Variants in SLC39A11 observed in about 807,000 individuals in gnomAD.
SLC39A11 encodes solute carrier family 39 member 11.
In SLC39A11, 33 loss-of-function variants were observed where a neutral mutation model predicts 36.1. That is an observed-to-expected ratio of 0.91 (90% CI 0.69 to 1.22). The LOEUF (loss-of-function observed/expected upper bound fraction) is 1.22. Ranked by LOEUF, SLC39A11 falls within the 50% of genes most tolerant of loss-of-function variation. The probability of loss-of-function intolerance (pLI) is 0.00; values close to 1 mark genes in which losing one functional copy is unlikely to be tolerated. For missense variants in SLC39A11, 432 were observed against 430.3 expected (o/e 1.00, Z -0.03); for synonymous variants, 166 against 170.3 (o/e 0.97, Z 0.20).
At chr17:72,870,254 GGTCTTGGGAAT>G (rs2080538677) in intron 5 of SLC39A11, among the ~76,000 whole-genome samples, 1 of 152,062 alleles carries the variant, frequency 6.6e-6, no homozygotes, top group African/African-American at 2.4e-5. Context: ...TCCATGCTAA[GGTCTTGGGAAT>G]GTCCTCTTCC....
intron 7 of SLC39A11, among the ~76,000 whole-genome samples, chr17:72,676,452 G>A (rs970246318): frequency 2.6e-5 from 4 of 152,130 alleles, no homozygotes; most frequent in African/African-American, 9.7e-5. Flanking sequence ...CTGGGAAGTA[G>A]ATGAAATTAG....
At chr17:72,826,693 A>G (rs2078043247) in intron 6 of SLC39A11, among the ~76,000 whole-genome samples, 1 of 152,216 alleles carries the variant, frequency 6.6e-6, no homozygotes, top group Non-Finnish European at 1.5e-5. Context: ...CCCCAAAGTA[A>G]GAACTACTAT....
At chr17:73,003,556 C>T (rs1449501562) in intron 4 of SLC39A11, among the ~76,000 whole-genome samples, 1 of 152,072 alleles carries the variant, frequency 6.6e-6, no homozygotes, top group Non-Finnish European at 1.5e-5. Flanking sequence ...GCAGACAAGA[C>T]CCCGGGCTGA....
chr17:73,007,306 A>G (rs2090241195), intron 4 of SLC39A11, among the ~76,000 whole-genome samples: 1 of 152,206 alleles, frequency 6.6e-6, no homozygotes, highest in South Asian at 2.1e-4. Context: ...CTATAATCCC[A>G]GCTACTCAGG....
intron 6 of SLC39A11, among the ~76,000 whole-genome samples, chr17:72,827,941 A>C (rs2078100871): frequency 6.6e-6 from 1 of 152,232 alleles, no homozygotes; most frequent in Non-Finnish European, 1.5e-5. Context: ...TTTCTTTCCC[A>C]ATCAGGCAGA....
intron 6 of SLC39A11, among the ~76,000 whole-genome samples, chr17:72,809,294 C>T (rs1179636786): frequency 6.6e-6 from 1 of 151,556 alleles, no homozygotes; most frequent in East Asian, 1.9e-4. Flanking sequence ...TCTCTTGGTT[C>T]ATTTATCTGG....
intron 5 of SLC39A11, among the ~76,000 whole-genome samples, chr17:72,879,911 T>C (rs545542229): frequency 3.0e-4 from 46 of 152,238 alleles, no homozygotes; most frequent in South Asian, 6.2e-4. Flanking sequence ...CCCTGTCCCA[T>C]GACTTCACCC....
intron 6 of SLC39A11, among the ~76,000 whole-genome samples, chr17:72,834,671 T>C (rs1240760108): frequency 1.4e-5 from 2 of 142,052 alleles, no homozygotes; most frequent in East Asian, 2.0e-4. Context: ...TAAAAGATTG[T>C]ATTAAACCAT....
At chr17:72,667,573 G>A (rs959450784) in intron 7 of SLC39A11, among the ~76,000 whole-genome samples, 1 of 152,190 alleles carries the variant, frequency 6.6e-6, no homozygotes, top group African/African-American at 2.4e-5. Context: ...GGTGGCTGGG[G>A]ATATCATCAG....
At chr17:72,833,775 C>A (rs2078389268) in intron 6 of SLC39A11, among the ~76,000 whole-genome samples, 1 of 152,074 alleles carries the variant, frequency 6.6e-6, no homozygotes, top group Non-Finnish European at 1.5e-5. Flanking sequence ...CTTCCATCCC[C>A]CGACATCAGA....
At chr17:72,752,924 T>C (rs958998932) in intron 6 of SLC39A11, among the ~76,000 whole-genome samples, 2 of 152,176 alleles carry the variant, frequency 1.3e-5, no homozygotes, top group Non-Finnish European at 2.9e-5. Flanking sequence ...GGTGCCATCA[T>C]GGCTCACTGC....
At chr17:72,999,330 A>C (rs2089690232) in intron 4 of SLC39A11, among the ~76,000 whole-genome samples, 1 of 152,230 alleles carries the variant, frequency 6.6e-6, no homozygotes, top group South Asian at 2.1e-4. Flanking sequence ...GGAATGCAAT[A>C]ATATTTGATC....
chr17:72,952,830 C>T (rs1191877617), intron 4 of SLC39A11, among the ~76,000 whole-genome samples: 1 of 151,970 alleles, frequency 6.6e-6, no homozygotes, highest in South Asian at 2.1e-4. Context: ...ACAGCAGCCC[C>T]GACAGTCTGC....
rs149231243 is a variant in SLC39A11 at position 73,012,149 on chromosome 17, G to A, written c.306+19407C>T. On this transcript the variant is annotated intron_variant, in intron 4 of 9. Coordinates refer to ENST00000255559, the MANE Select transcript of SLC39A11 (RefSeq NM_139177.4). Reference sequence around the variant, plus strand: ...AAACTAGCCGGGCGTGGTGGCAGGCGCCTGTAGTCCCAGCTACTGGGGAGT... The same window carrying A: ...AAACTAGCCGGGCGTGGTGGCAGGCACCTGTAGTCCCAGCTACTGGGGAGT... Among the ~76,000 whole-genome samples the A allele has an allele frequency of 9.9e-3, 1,504 of 151,994 alleles. 27 individuals carry two copies. The highest frequency in any genetic ancestry group is 0.034 in the African/African-American group (1,405 of 41,496).
At chr17:73,065,268 G>T (rs1056653002) in intron 3 of SLC39A11, among the ~76,000 whole-genome samples, 1 of 152,030 alleles carries the variant, frequency 6.6e-6, no homozygotes, top group African/African-American at 2.4e-5. Flanking sequence ...AGTTGGGCGT[G>T]GTGGCAGGCG....
chr17:72,776,768 T>C (rs891687), intron 6 of SLC39A11, among the ~76,000 whole-genome samples: 33,096 of 151,928 alleles, frequency 0.22, 5,520 homozygotes, highest in African/African-American at 0.47. Flanking sequence ...TCCAAGGATC[T>C]TATCCACTCC....
At chr17:72,794,416 TTGAG>T (rs915302100) in intron 6 of SLC39A11, among the ~76,000 whole-genome samples, 7 of 152,104 alleles carry the variant, frequency 4.6e-5, no homozygotes, top group Admixed American at 4.6e-4. Flanking sequence ...ATTTTTCTAA[TTGAG>T]TGAGAAAATC....
intron 7 of SLC39A11, among the ~76,000 whole-genome samples, chr17:72,658,062 G>A (rs905285568): frequency 6.6e-6 from 1 of 152,212 alleles, no homozygotes; most frequent in African/African-American, 2.4e-5. Context: ...TGCTTTCTTG[G>A]GTAGGGACAT....
intron 4 of SLC39A11, among the ~76,000 whole-genome samples, chr17:72,951,097 TAA>T (rs761429572): frequency 7.2e-6 from 1 of 139,470 alleles, no homozygotes; most frequent in Non-Finnish European, 1.5e-5. Context: ...CCCCATTTCT[TAA>T]AAAAAAAAAA....
Sources: allele counts gnomAD v4.1 joint callset (sites outside exome capture counted in the v4.1 genomes callset), GRCh38; gene constraint gnomAD v4.1.1; transcripts MANE v1.5; gene names NCBI Gene and HGNC (gene_info 2026-07-23, HGNC 2026-07-21).